UBE2K: variants seen among roughly 807,000 people sequenced by gnomAD.
UBE2K encodes ubiquitin-conjugating enzyme E2 K.
UBE2K carries 6 observed loss-of-function variants against 30.0 expected under a neutral mutation model. The observed-to-expected ratio is 0.20, with a 90% CI of 0.11 to 0.39. The LOEUF (loss-of-function observed/expected upper bound fraction) is 0.39, where lower values mean the gene tolerates loss of function less well. UBE2K is among the 10% of genes least tolerant of loss of function. The pLI is 1.00. For synonymous variants in UBE2K, 86 were observed against 83.7 expected (o/e 1.03, Z -0.15); for missense variants, 61 against 241.6 (o/e 0.25, Z 4.96).
chr4:39,771,728 C>G (rs1347564428), intron 4 of UBE2K, among the ~76,000 whole-genome samples: 1 of 152,160 alleles, frequency 6.6e-6, no homozygotes, highest in Non-Finnish European at 1.5e-5. Flanking sequence ...TTCAGTAGCT[C>G]TGGGATAGAG....
At chr4:39,743,698 T>C (rs1720829304) in intron 2 of UBE2K, among the ~76,000 whole-genome samples, 1 of 152,206 alleles carries the variant, frequency 6.6e-6, no homozygotes, top group Admixed American at 6.5e-5. Flanking sequence ...TCTTTGATTA[T>C]CTTGAAACAA....
At chr4:39,711,163 C>CTTT (rs34401637) in intron 1 of UBE2K, among the ~76,000 whole-genome samples, 17 of 122,130 alleles carry the variant, frequency 1.4e-4, no homozygotes, top group African/African-American at 3.5e-4. Context: ...AACTTTTTCT[C>CTTT]TTTTTTTTTT....
At position 39,770,645 on chromosome 4, in the gene UBE2K, G is replaced by T. The variant is rs1008521916; in HGVS notation, c.300-4189G>T. The T allele has an allele frequency of 4.4e-6, 7 of 1,596,658 alleles. No homozygotes were observed. The African/African-American group carries it at 9.4e-5, about 21-fold the overall frequency. ...CTTCTGCGTTCTCCGACAGGCTATA[G>T]CAGGCCTTCACCACACCCTGCGGTG... is the stretch of plus-strand genomic sequence containing the variant. On this transcript the variant is annotated intron_variant, in intron 4 of 6. Transcript: ENST00000261427.
chr4:39,723,395 G>C lies in UBE2K; in HGVS notation c.64-14025G>C, dbSNP rs185360764. ...TTTTTTTTTTTTTCCTTCAGACTGA[G>C]TCTCGCCCTGTTGCCCGGGCTGGAG... On this transcript the variant is annotated intron_variant, in intron 1 of 6. Transcript: ENST00000261427. 5.4e-3 allele frequency among the ~76,000 whole-genome samples: 702 copies of C among 129,656 alleles called. 6 individuals are homozygous for C. Among genetic ancestry groups the C allele is most frequent in the African/African-American group, 0.02 (667 of 33,228 alleles). The allele number at this position is 129,656 out of a possible 152,430, so 85.1% of individuals were successfully genotyped here.
At chr4:39,714,550 A>ATATATATATATTTT in intron 1 of UBE2K, 1 of 17,838 alleles carries the variant, frequency 5.6e-5, no homozygotes. Context: ...ATATATATAT[A>ATATATATATATTTT]TTTTTTTTTT....
chr4:39,722,564 C>T (rs889192345), intron 1 of UBE2K, among the ~76,000 whole-genome samples: 1 of 152,238 alleles, frequency 6.6e-6, no homozygotes, highest in Admixed American at 6.5e-5. Flanking sequence ...CAGGTGCACT[C>T]ACACACACCC....
chr4:39,758,080 G>T (rs752613515), intron 4 of UBE2K, among the ~76,000 whole-genome samples: 3 of 152,116 alleles, frequency 2.0e-5, no homozygotes, highest in African/African-American at 4.8e-5. Flanking sequence ...AACATAAACT[G>T]AACTGATAGT....
intron 4 of UBE2K, among the ~76,000 whole-genome samples, chr4:39,773,869 C>G (rs897206240): frequency 7.9e-5 from 12 of 151,738 alleles, no homozygotes; most frequent in African/African-American, 2.9e-4. Flanking sequence ...TGCAGGGAGC[C>G]GAGATCGCGC....
At chr4:39,748,391 C>G (rs1483990924) in intron 3 of UBE2K, among the ~76,000 whole-genome samples, 1 of 152,136 alleles carries the variant, frequency 6.6e-6, no homozygotes, top group Non-Finnish European at 1.5e-5. Flanking sequence ...ACCACATCCA[C>G]TCCCTTGTTT....
chr4:39,703,134 G>GC (rs1369947675), intron 1 of UBE2K, among the ~76,000 whole-genome samples: 6 of 152,088 alleles, frequency 3.9e-5, no homozygotes, highest in Non-Finnish European at 7.4e-5. Flanking sequence ...TGGATTACAG[G>GC]CGCCTACTAC....
chr4:39,705,388 A>T (rs1053804233), intron 1 of UBE2K, among the ~76,000 whole-genome samples: 17 of 138,996 alleles, frequency 1.2e-4, no homozygotes, highest in African/African-American at 4.6e-4. Flanking sequence ...TAGTAGAGAC[A>T]GGGTTTTACC....
intron 4 of UBE2K, chr4:39,771,443 G>A (rs1394761483): frequency 8.8e-6 from 14 of 1,585,592 alleles, no homozygotes; most frequent in Middle Eastern, 1.7e-4. Flanking sequence ...CCATTGTGGC[G>A]GGGGTGGGCA....
chr4:39,714,220 G>T, intron 1 of UBE2K: 1 of 161,688 alleles, frequency 6.2e-6, no homozygotes, highest in South Asian at 1.7e-4. Context: ...GCTTCTTACA[G>T]ACACCAGAAA....
In UBE2K at chr4:39,781,928, G is replaced by GT. The variant is rs1713637278; in HGVS notation, c.*3495dup. On this transcript the variant is annotated 3_prime_UTR_variant, in exon 7 of 7. Coordinates refer to ENST00000261427, the MANE Select transcript of UBE2K (RefSeq NM_005339.5). ...GTCACTGGGAAGAAGGCAACTTGAA[G>GT]TATTTACTGATAAAATAGCCTTTAT... The GT allele has an allele frequency of 7.5e-6, 3 of 398,342 alleles. No individual in the cohort carries two copies. Among genetic ancestry groups the GT allele is most frequent in the Non-Finnish European group, 1.3e-5 (3 of 225,934 alleles). 24.7% of individuals were successfully genotyped at this position (398,342 alleles called of 1,614,324 possible). A position where few individuals can be genotyped will look rare whatever the true frequency, so the allele number is the denominator to read the frequency against.
rs560803713 is a variant in UBE2K at position 39,778,712 on chromosome 4, C to G, written c.*278C>G. The stretch of plus-strand genomic sequence containing the variant: ...CTAAAACCATGGAAGAAACATGCTA[C>G]TTTAGTGTTTAGCAGTGTACCAAGA... On this transcript the variant is annotated 3_prime_UTR_variant, in exon 7 of 7. Transcript: ENST00000261427. 1.6e-4 allele frequency: 47 copies of G among 290,994 alleles called. No homozygotes were observed. The highest frequency in any genetic ancestry group is 5.8e-4 in the Admixed American group (12 of 20,808). 18.0% of individuals were successfully genotyped at this position (290,994 alleles called of 1,614,324 possible). A position where few individuals can be genotyped will look rare whatever the true frequency, so the allele number is the denominator to read the frequency against.
chr4:39,754,456 GAA>G (rs1393683590), intron 3 of UBE2K, among the ~76,000 whole-genome samples: 1 of 152,186 alleles, frequency 6.6e-6, no homozygotes, highest in East Asian at 1.9e-4. Context: ...GTCACAAAGA[GAA>G]GAGAGAAGTG....
In UBE2K at chr4:39,732,243, C is replaced by T. The variant is rs1368759789; in HGVS notation, c.64-5177C>T. On this transcript the variant is annotated intron_variant, in intron 1 of 6. Transcript: ENST00000261427. Reference sequence around the variant, plus strand: ...GTTGACAGAGGATGAAACTGGAGTACAAAGTAGTTAATTAACTTGTTCATA... The same window carrying T: ...GTTGACAGAGGATGAAACTGGAGTATAAAGTAGTTAATTAACTTGTTCATA... Among the ~76,000 whole-genome samples the T allele has an allele frequency of 2.0e-5, 3 of 152,136 alleles. No homozygotes were observed. The East Asian group carries it at 5.8e-4, about 29-fold the overall frequency.
intron 1 of UBE2K, among the ~76,000 whole-genome samples, chr4:39,729,377 CA>C (rs79937335): frequency 0.21 from 32,521 of 151,992 alleles, 3,632 homozygotes; most frequent in African/African-American, 0.27. Context: ...TTGTATCCAA[CA>C]TGTCTCAAAC....
chr4:39,714,306 GT>G, intron 1 of UBE2K: 1 of 203,612 alleles, frequency 4.9e-6, no homozygotes. Context: ...CTGCCATCCA[GT>G]TTCTCTTGCC....
Sources: allele counts gnomAD v4.1 joint callset (sites outside exome capture counted in the v4.1 genomes callset), GRCh38; gene constraint gnomAD v4.1.1; transcripts MANE v1.5; gene names NCBI Gene and HGNC (gene_info 2026-07-23, HGNC 2026-07-21).